The following GORASP2 variants were observed in gnomAD, a reference collection of about 807,000 sequenced individuals.
The protein encoded by GORASP2 is Golgi reassembly-stacking protein 2.
Under a neutral mutation model 45.7 loss-of-function variants are expected in GORASP2, and 22 were observed. The ratio of observed to expected loss-of-function variants is 0.48; its 90% confidence interval spans 0.34 to 0.69. GORASP2 has a LOEUF of 0.69. GORASP2 is among the 30% of genes least tolerant of loss of function. GORASP2 has a pLI of 0.01. For synonymous variants in GORASP2, 221 were observed against 215.6 expected (o/e 1.02, Z -0.22); for missense variants, 491 against 562.7 (o/e 0.87, Z 1.29).
intron 1 of GORASP2, among the ~76,000 whole-genome samples, chr2:170,937,375 AT>A: frequency 6.6e-6 from 1 of 152,196 alleles, no homozygotes; most frequent in Middle Eastern, 3.4e-3. Flanking sequence ...CAGCTGGCTG[AT>A]TTTTTGAAGG....
At chr2:170,949,361 T>A (rs1319612824) in intron 2 of GORASP2, among the ~76,000 whole-genome samples, 178 bp from the exon 3 acceptor site, 7 of 152,262 alleles carry the variant, frequency 4.6e-5, no homozygotes, top group African/African-American at 7.2e-5. Flanking sequence ...GTTGCTAACG[T>A]AAGAGTTCTT....
chr2:170,946,303 A>G (rs1704181578), intron 1 of GORASP2, among the ~76,000 whole-genome samples: 3 of 152,150 alleles, frequency 2.0e-5, no homozygotes. Flanking sequence ...GCACCTGGCC[A>G]TGGAATAGTT....
chr2:170,946,369 G>GA (rs758623304), intron 1 of GORASP2, among the ~76,000 whole-genome samples: 3 of 151,346 alleles, frequency 2.0e-5, no homozygotes, highest in Non-Finnish European at 4.4e-5. Flanking sequence ...AAATATTTTG[G>GA]AAAAAAAATG....
chr2:170,946,838 G>A (rs900813203), intron 1 of GORASP2, among the ~76,000 whole-genome samples: 2 of 152,056 alleles, frequency 1.3e-5, no homozygotes, highest in Admixed American at 1.3e-4. Context: ...TACTTGGGAG[G>A]CTGAGGCACA....
chr2:170,929,850 G>C, intron 1 of GORASP2: 2 of 452,666 alleles, frequency 4.4e-6, no homozygotes, highest in Non-Finnish European at 9.2e-6. Flanking sequence ...CGGAGGCGGG[G>C]CCTGCGGCGG....
intron 7 of GORASP2, among the ~76,000 whole-genome samples, chr2:170,961,162 C>G (rs2723229): frequency 3.3e-5 from 5 of 152,168 alleles, no homozygotes; most frequent in African/African-American, 1.2e-4. Flanking sequence ...AAGTCATTCT[C>G]TCCATCCTAG....
intron 1 of GORASP2, among the ~76,000 whole-genome samples, chr2:170,944,627 T>G (rs1704144595): frequency 6.6e-6 from 1 of 152,186 alleles, no homozygotes; most frequent in South Asian, 2.1e-4. Context: ...ACTCTAAAGT[T>G]TATACTTTAA....
intron 1 of GORASP2, among the ~76,000 whole-genome samples, chr2:170,940,626 T>C (rs1575470611): frequency 6.6e-6 from 1 of 151,144 alleles, no homozygotes; most frequent in East Asian, 1.9e-4. Flanking sequence ...GAGGGAAAAG[T>C]CAAGAAGTGA....
Position 170,965,846 on chromosome 2 carries a change from C to T in GORASP2, c.1075C>T (p.Pro359Ser), listed in dbSNP as rs1164713503. 4.3e-6 allele frequency: 7 copies of T among 1,614,058 alleles called. No individual in the cohort carries two copies. Among genetic ancestry groups the T allele is most frequent in the Non-Finnish European group, 5.9e-6 (7 of 1,180,010 alleles). The change falls in exon 10 of 10, where the codon CCC (proline) becomes TCC (serine). Residue 359 changes from proline (P) to serine (S), a missense_variant. Physicochemically the swap from Pro to Ser is moderately conservative, Grantham distance 74. This residue lies in a region of GORASP2 where 297 missense variants were observed against 292.3 expected (regional missense o/e 1.02). Coordinates refer to ENST00000234160, the MANE Select transcript of GORASP2 (RefSeq NM_015530.5). The stretch of plus-strand genomic sequence containing the variant: ...AAACTTACCTGGCATTGCACCTCTC[C>T]CCCTGCCATCCGAGTTCCTCCCGTC... ...PRNLPGIAPL[P>S]LPSEFLPSFP...
intron 5 of GORASP2, chr2:170,953,900 G>A (rs1704360913): frequency 6.6e-6 from 1 of 152,230 alleles, no homozygotes; most frequent in Non-Finnish European, 1.5e-5. Flanking sequence ...GCCTGGCTTT[G>A]ACCATGAGCC....
chr2:170,936,947 G>T (rs1245852674), intron 1 of GORASP2, among the ~76,000 whole-genome samples: 1 of 152,172 alleles, frequency 6.6e-6, no homozygotes, highest in South Asian at 2.1e-4. Flanking sequence ...GGTGGCTCAC[G>T]CCTGTAATCC....
intron 1 of GORASP2, among the ~76,000 whole-genome samples, chr2:170,942,473 AC>A (rs1373708210): frequency 6.6e-6 from 1 of 152,178 alleles, no homozygotes; most frequent in Non-Finnish European, 1.5e-5. Flanking sequence ...ATTGAATCAA[AC>A]AATATGTGGT....
At chr2:170,956,400 A>G in intron 6 of GORASP2, 36 bp from the exon 7 acceptor site, 2 of 1,560,610 alleles carry the variant, frequency 1.3e-6, no homozygotes, top group Non-Finnish European at 1.7e-6. Flanking sequence ...AAATAAACTT[A>G]AGTAATCTTT....
At chr2:170,939,305 C>T (rs1172508107) in intron 1 of GORASP2, among the ~76,000 whole-genome samples, 2 of 152,172 alleles carry the variant, frequency 1.3e-5, no homozygotes, top group African/African-American at 2.4e-5. Context: ...AGAACATGTA[C>T]TTTGCTTTGT....
intron 1 of GORASP2, among the ~76,000 whole-genome samples, chr2:170,946,862 C>T (rs929658412): frequency 3.3e-5 from 5 of 151,894 alleles, no homozygotes; most frequent in African/African-American, 9.7e-5. Flanking sequence ...ATTGCTTGAA[C>T]CCGGGAGGTG....
At chr2:170,954,825 C>T in intron 6 of GORASP2, 43 bp downstream of exon 6, 1 of 1,535,052 alleles carries the variant, frequency 6.5e-7, no homozygotes, top group Non-Finnish European at 8.9e-7. Flanking sequence ...AAGTTTTTAC[C>T]AAAACGAGTC....
At chr2:170,929,208 G>A, upstream of GORASP2, 1 of 599,592 alleles carries the variant, frequency 1.7e-6, no homozygotes, top group Non-Finnish European at 2.5e-6. Context: ...ATCTCCCGGC[G>A]GGCTGTGCGG....
chr2:170,965,912 G>A lies in GORASP2; in HGVS notation c.1141G>A (p.Gly381Arg), dbSNP rs771693217. The change falls in exon 10 of 10, where the codon GGA becomes AGA. Residue 381 changes from glycine (G) to arginine (R), a missense_variant. By Grantham distance (125) the Gly-to-Arg change is moderately radical. Coordinates refer to ENST00000234160, the MANE Select transcript of GORASP2 (RefSeq NM_015530.5). ...AGAGAGCTCTTCTGCAGCAAGCTCA[G>A]GAGAGCTGCTGTCTTCCCTCCCGCC... ...VPESSSAASS[G>R]ELLSSLPPTS... The A allele has an allele frequency of 6.2e-7, 1 of 1,613,872 alleles. No homozygotes were observed. Among genetic ancestry groups the A allele is most frequent in the Non-Finnish European group, 8.5e-7 (1 of 1,179,838 alleles).
At chr2:170,960,485 G>A (rs1704531896) in intron 7 of GORASP2, among the ~76,000 whole-genome samples, 1 of 152,204 alleles carries the variant, frequency 6.6e-6, no homozygotes, top group African/African-American at 2.4e-5. Context: ...TTTGAAACTT[G>A]TGAATGTATC....
Sources: allele counts gnomAD v4.1 joint callset (sites outside exome capture counted in the v4.1 genomes callset), GRCh38; gene constraint gnomAD v4.1.1; regional missense constraint gnomAD v4.1.1; transcripts MANE v1.5; gene names NCBI Gene and HGNC (gene_info 2026-07-23, HGNC 2026-07-21).